Variants in RARB observed in about 807,000 individuals in gnomAD.
RARB encodes HBV-activated protein.
RARB carries 17 observed loss-of-function variants against 51.9 expected under a neutral mutation model. The observed-to-expected ratio is 0.33, with a 90% confidence interval of 0.22 to 0.49. The LOEUF is 0.49. Ranked by LOEUF, RARB falls within the 20% of genes least tolerant of loss-of-function variation. The pLI is 0.99. For missense variants in RARB, 369 were observed against 550.8 expected, an observed-to-expected ratio of 0.67 and a Z score of 3.30; for synonymous variants, 215 against 195.4, an observed-to-expected ratio of 1.10 and a Z score of -0.84.
intron 1 of RARB, among the ~76,000 whole-genome samples, chr3:25,449,782 T>G (rs1709110221): frequency 6.6e-6 from 1 of 151,494 alleles, no homozygotes; most frequent in South Asian, 2.1e-4. Flanking sequence ...GACGGAGTCC[T>G]GCTGTGTTGC....
intron 2 of RARB, among the ~76,000 whole-genome samples, chr3:24,876,378 A>AT (rs1161652032): frequency 2.0e-5 from 3 of 152,002 alleles, no homozygotes; most frequent in Admixed American, 6.5e-5. Context: ...ATTAATTCAC[A>AT]TTTTTTCCTA....
At chr3:25,401,801 G>A (rs1337548615) in intron 5 of RARB, among the ~76,000 whole-genome samples, 3 of 152,092 alleles carry the variant, frequency 2.0e-5, no homozygotes, top group African/African-American at 7.2e-5. Flanking sequence ...TTTTGAGATG[G>A]AGTCTCCCTC....
intron 2 of RARB, among the ~76,000 whole-genome samples, chr3:24,949,585 C>A (rs993510739): frequency 6.6e-6 from 1 of 152,054 alleles, no homozygotes; most frequent in South Asian, 2.1e-4. Context: ...AATTTTGAGG[C>A]GAGAATATGT....
intron 3 of RARB, among the ~76,000 whole-genome samples, chr3:25,550,705 C>T (rs1296730438): frequency 1.3e-5 from 2 of 152,196 alleles, no homozygotes; most frequent in African/African-American, 2.4e-5. Flanking sequence ...TATTAAGCCT[C>T]ATATGCATTA....
chr3:25,469,506 A>G (rs1695592304), intron 2 of RARB, among the ~76,000 whole-genome samples: 1 of 152,258 alleles, frequency 6.6e-6, no homozygotes, highest in African/African-American at 2.4e-5. Flanking sequence ...ACTCTGTGAT[A>G]GCTGAATGAA....
At chr3:24,899,149 G>A (rs939511976) in intron 2 of RARB, among the ~76,000 whole-genome samples, 33 of 152,170 alleles carry the variant, frequency 2.2e-4, no homozygotes, top group African/African-American at 7.7e-4. Context: ...CAATGAAAAT[G>A]TATAGGTCTT....
intron 3 of RARB, among the ~76,000 whole-genome samples, chr3:25,526,223 A>C (rs1003550154): frequency 3.3e-5 from 5 of 152,162 alleles, no homozygotes; most frequent in African/African-American, 1.2e-4. Context: ...AACCCAAATG[A>C]AAGAAGACTG....
intron 2 of RARB, among the ~76,000 whole-genome samples, chr3:24,883,364 G>A (rs1222704672): frequency 7.8e-6 from 1 of 128,512 alleles, no homozygotes; most frequent in East Asian, 4.5e-4. Flanking sequence ...CATTGTGTGT[G>A]TGTGTGTGTG....
intron 2 of RARB, among the ~76,000 whole-genome samples, chr3:24,891,410 T>A (rs1559384907): frequency 6.6e-6 from 1 of 152,134 alleles, no homozygotes; most frequent in Non-Finnish European, 1.5e-5. Context: ...TTTTCCAACA[T>A]CTCCGAAATG....
intron 5 of RARB, among the ~76,000 whole-genome samples, chr3:25,360,155 G>T (rs563871684): frequency 6.6e-6 from 1 of 152,126 alleles, no homozygotes; most frequent in Non-Finnish European, 1.5e-5. Flanking sequence ...GAATCTGGGT[G>T]CTCCTGTATT....
intron 2 of RARB, among the ~76,000 whole-genome samples, chr3:25,490,142 C>G (rs1016055851): frequency 1.6e-4 from 25 of 152,194 alleles, no homozygotes; most frequent in African/African-American, 6.0e-4. Flanking sequence ...TTCTCCCATT[C>G]TCATAGACTC....
rs1208636954 is a variant in RARB, at chr3:25,596,527, T to G, written c.1258T>G (p.Ser420Ala). ...SEGHEPLTPSSSGNTAEHSPS... is the reference protein window; with the variant it reads ...SEGHEPLTPSASGNTAEHSPS... ...AGGACATGAACCCTTGACCCCAAGT[T>G]CAAGTGGGAACACAGCAGAGCACAG... The change falls in exon 8 of 8, where the codon TCA becomes GCA. Residue 420 changes from serine (S) to alanine (A), a missense_variant. Transcript: ENST00000330688. 1 of 1,613,752 alleles carries G rather than the reference T, an allele frequency of 6.2e-7. No homozygotes were observed. The highest frequency in any genetic ancestry group is 1.7e-5 in the Admixed American group (1 of 60,006).
rs760559582 is a variant in RARB, at chr3:24,870,557, C to A, written c.-380+11805C>A. ...GATTTCTGGCAGTTTAAGCCTTCTACCTATAGCATTAATTTTTATATCCAG... is the reference window on the plus strand; with the variant it reads ...GATTTCTGGCAGTTTAAGCCTTCTAACTATAGCATTAATTTTTATATCCAG... On this transcript the variant is annotated intron_variant, in intron 2 of 11. Transcript: ENST00000383772. 5.3e-5 allele frequency among the ~76,000 whole-genome samples: 8 copies of A among 151,986 alleles called. No homozygotes were observed. In the South Asian group the frequency reaches 1.0e-3, roughly 20 times the overall value.
intron 2 of RARB, among the ~76,000 whole-genome samples, chr3:24,910,235 T>C (rs367992730): frequency 6.6e-6 from 1 of 152,132 alleles, no homozygotes; most frequent in East Asian, 1.9e-4. Context: ...TTAGGGAAAT[T>C]GGGGGTGCTG....
rs114613844 is a variant in RARB, at chr3:25,593,682, C to G, written c.966C>G (p.Leu322=). The change falls in exon 6 of 8, where the codon CTC becomes CTG. Residue 322 remains leucine (L), a synonymous_variant. Transcript: ENST00000330688. ...LEMDDTETGL[L]SAICLICGDR... is the part of the protein sequence containing the mutation. Reference sequence around the variant, plus strand: ...TGGATGACACAGAAACAGGCCTTCTCAGTGCCATCTGCTTAATCTGTGGAG... The same window carrying G: ...TGGATGACACAGAAACAGGCCTTCTGAGTGCCATCTGCTTAATCTGTGGAG... 6.2e-7 allele frequency: 1 copy of G among 1,614,004 alleles called. No individual in the cohort carries two copies. The highest frequency in any genetic ancestry group is 8.5e-7 in the Non-Finnish European group (1 of 1,179,976).
chr3:25,229,152 C>T (rs1052180072), intron 5 of RARB, among the ~76,000 whole-genome samples: 2 of 152,104 alleles, frequency 1.3e-5, no homozygotes, highest in African/African-American at 4.8e-5. Context: ...TGTTTTTACA[C>T]CCCAACTTGG....
intron 5 of RARB, among the ~76,000 whole-genome samples, chr3:25,175,635 G>T (rs1293422202): frequency 6.6e-6 from 1 of 152,188 alleles, no homozygotes; most frequent in Non-Finnish European, 1.5e-5. Context: ...ATGGGTGTTT[G>T]GATGGACGAA....
intron 1 of RARB, among the ~76,000 whole-genome samples, chr3:25,459,421 A>G (rs1335844803): frequency 6.6e-6 from 1 of 152,250 alleles, no homozygotes; most frequent in Non-Finnish European, 1.5e-5. Flanking sequence ...CCGTGTGATG[A>G]AAAGTCTTGT....
chr3:25,514,386 T>A (rs1298051352), intron 3 of RARB, among the ~76,000 whole-genome samples: 2 of 152,218 alleles, frequency 1.3e-5, no homozygotes, highest in African/African-American at 4.8e-5. Context: ...CAGGCATCTT[T>A]TAGTACTGGG....
Sources: gnomAD v4.1 joint callset for allele counts (sites outside exome capture counted in the v4.1 genomes callset) on GRCh38, gnomAD v4.1.1 for gene constraint, MANE v1.5 for transcripts, NCBI Gene and HGNC (gene_info 2026-07-23, HGNC 2026-07-21) for gene names.